The following SENP6 variants were observed in gnomAD, a reference collection of about 807,000 sequenced individuals.
SENP6 encodes the protein sentrin-specific protease 6.
Under a neutral mutation model 134.5 loss-of-function variants are expected in SENP6, and 41 were observed. The ratio of observed to expected loss-of-function variants is 0.30; its 90% CI spans 0.24 to 0.40. The LOEUF is 0.40. Ranked by LOEUF, SENP6 falls within the 10% of genes least tolerant of loss-of-function variation. The probability of loss-of-function intolerance (pLI) is 1.00; values close to 1 mark genes in which losing one functional copy is unlikely to be tolerated. For missense variants in SENP6, 1,248 were observed against 1,312.5 expected (o/e 0.95, Z 0.76); for synonymous variants, 395 against 429.8 (o/e 0.92, Z 1.00).
chr6:75,662,417 G>C (rs1015420691), intron 8 of SENP6, among the ~76,000 whole-genome samples: 3 of 152,028 alleles, frequency 2.0e-5, no homozygotes, highest in African/African-American at 7.2e-5. Flanking sequence ...TTACAGACCT[G>C]AGCCACCATG....
At position 75,675,563 on chromosome 6, in the gene SENP6, T is replaced by A. The variant is rs1032698512; in HGVS notation, c.1426+95T>A. 3.4e-5 allele frequency: 27 copies of A among 785,856 alleles called. No homozygotes were observed. In the African/African-American group the frequency reaches 4.5e-4, roughly 13 times the overall value. 48.7% of individuals were successfully genotyped at this position (785,856 alleles called of 1,614,324 possible). On this transcript the variant is annotated intron_variant, in intron 12 of 23. Coordinates refer to ENST00000447266, the MANE Select transcript of SENP6 (RefSeq NM_015571.4). ...ATTAAATAATATTCATAGAATTTAT[T>A]AAGATGGTTAGTTGTTACATATATC... is the stretch of plus-strand genomic sequence containing the variant.
intron 21 of SENP6, among the ~76,000 whole-genome samples, 194 bp from the exon 22 acceptor site, chr6:75,713,319 A>G (rs1775859816): frequency 6.6e-6 from 1 of 152,142 alleles, no homozygotes; most frequent in South Asian, 2.1e-4. Flanking sequence ...ATATCCATAG[A>G]TATTTAAGTA....
intron 8 of SENP6, among the ~76,000 whole-genome samples, chr6:75,659,620 C>T (rs1771621131): frequency 6.6e-6 from 1 of 152,016 alleles, no homozygotes; most frequent in Admixed American, 6.6e-5. Context: ...TCAGTGCTTC[C>T]CTGCAACATA....
At chr6:75,666,139 GATAT>G (rs1384921261) in intron 9 of SENP6, among the ~76,000 whole-genome samples, 6 of 119,332 alleles carry the variant, frequency 5.0e-5, no homozygotes, top group African/African-American at 1.8e-4. Flanking sequence ...ACGTATATAT[GATAT>G]ATATAAAACA....
chr6:75,604,200 AT>A (rs1766848775), intron 1 of SENP6, among the ~76,000 whole-genome samples: 1 of 152,262 alleles, frequency 6.6e-6, no homozygotes, highest in African/African-American at 2.4e-5. Flanking sequence ...TGTAGAGTTA[AT>A]GTGAGTTTCA....
Position 75,709,516 on chromosome 6 carries a change from T to TA in SENP6, c.2717-10dup, listed in dbSNP as rs1312395188. On this transcript the variant is annotated splice_polypyrimidine_tract_variant and intron_variant, in intron 19 of 23. Coordinates refer to ENST00000447266, the MANE Select transcript of SENP6 (RefSeq NM_015571.4). ...GCCTTTTTTATTATGTAATGTTTCT[T>TA]ATTGATACAGATGGCTTAAGCAAAA... 1.3e-6 allele frequency: 2 copies of TA among 1,594,422 alleles called. No homozygotes were observed. Among genetic ancestry groups the TA allele is most frequent in the Non-Finnish European group, 1.7e-6 (2 of 1,162,350 alleles).
At chr6:75,660,650 C>T (rs1023987839) in intron 8 of SENP6, among the ~76,000 whole-genome samples, 8 of 151,076 alleles carry the variant, frequency 5.3e-5, no homozygotes, top group South Asian at 2.1e-4. Flanking sequence ...TTTTTTTCCC[C>T]GAGATGGAGT....
chr6:75,705,938 T>TATTTTTTTTTTTTTTTTA (rs1775376617), intron 19 of SENP6, among the ~76,000 whole-genome samples: 1 of 131,222 alleles, frequency 7.6e-6, no homozygotes, highest in Non-Finnish European at 1.7e-5. Context: ...TTTTTTTTTT[T>TATTTTTTTTTTTTTTTTA]TTTTTTTTTT....
chr6:75,652,698 A>AAAAAAG (rs1562008509), intron 7 of SENP6, among the ~76,000 whole-genome samples: 30 of 148,686 alleles, frequency 2.0e-4, no homozygotes, highest in African/African-American at 5.8e-4. Context: ...AAAAAAAAAA[A>AAAAAAG]AAAAAGAAAA....
At chr6:75,688,290 G>A (rs916788195) in intron 16 of SENP6, among the ~76,000 whole-genome samples, 3 of 152,158 alleles carry the variant, frequency 2.0e-5, no homozygotes, top group Non-Finnish European at 4.4e-5. Flanking sequence ...ATTTTTCCAG[G>A]TAGTCTGTGA....
rs1250477055 is a variant in SENP6 at position 75,717,251 on chromosome 6, A to G, written c.*1657A>G. The G allele has an allele frequency of 6.6e-6, 1 of 152,106 alleles. No individual in the cohort carries two copies. Among genetic ancestry groups the G allele is most frequent in the Non-Finnish European group, 1.5e-5 (1 of 67,924 alleles). The allele number at this position is 152,106 out of a possible 1,614,324, so 9.4% of individuals were successfully genotyped here. ...TTGTTTTTTTTAAAACCTAATAGCA[A>G]TAAGCAAAATTGGCATACATAATTT... On this transcript the variant is annotated 3_prime_UTR_variant, in exon 24 of 24. Coordinates refer to ENST00000447266, the MANE Select transcript of SENP6 (RefSeq NM_015571.4).
intron 6 of SENP6, among the ~76,000 whole-genome samples, chr6:75,645,643 A>T (rs1355453698): frequency 1.3e-5 from 2 of 152,108 alleles, no homozygotes; most frequent in Non-Finnish European, 2.9e-5. Context: ...AATTAATGTA[A>T]ATTTTCATTT....
chr6:75,656,383 T>C (rs867456806), intron 7 of SENP6, among the ~76,000 whole-genome samples: 1 of 152,146 alleles, frequency 6.6e-6, no homozygotes, highest in African/African-American at 2.4e-5. Flanking sequence ...TAAGTACTTC[T>C]CTGGAGTAAT....
chr6:75,611,493 T>A (rs1441867156), intron 1 of SENP6: 1 of 152,236 alleles, frequency 6.6e-6, no homozygotes, highest in Non-Finnish European at 1.5e-5. Flanking sequence ...TCTTCCTGAA[T>A]TACGTGTTTG....
chr6:75,681,519 C>G (rs114310739), intron 16 of SENP6, among the ~76,000 whole-genome samples: 188 of 151,266 alleles, frequency 1.2e-3, no homozygotes, highest in African/African-American at 4.2e-3. Context: ...AGTGCAGTGG[C>G]GCGATCTTGG....
Position 75,640,684 on chromosome 6 carries a change from C to T in SENP6, c.459C>T (p.Ser153=). 4 of 1,523,724 alleles carry T rather than the reference C, an allele frequency of 2.6e-6. No individual in the cohort carries two copies. Among genetic ancestry groups the T allele is most frequent in the Non-Finnish European group, 2.7e-6 (3 of 1,129,030 alleles). 94.4% of individuals were successfully genotyped at this position (1,523,724 alleles called of 1,614,324 possible). The change falls in exon 6 of 24, where the codon AGC becomes AGT. Residue 153 remains serine (S), a splice_region_variant and synonymous_variant. Transcript: ENST00000447266. ...QIPVVKTAAQ[S]SLDRKERKEY... is the part of the protein sequence containing the mutation. ...TTTTTTTTCTTTTTCATGTTTTAAG[C>T]AGTCTGGACCGAAAAGAAAGGTAAG...
intron 1 of SENP6, among the ~76,000 whole-genome samples, 176 bp downstream of exon 1, chr6:75,602,752 T>A (rs923597538): frequency 6.6e-6 from 1 of 152,080 alleles, no homozygotes; most frequent in Non-Finnish European, 1.5e-5. Context: ...CGAGTCCGCC[T>A]AGGCGAGGGG....
chr6:75,664,393 C>T (rs1041518796), intron 9 of SENP6, among the ~76,000 whole-genome samples: 3 of 151,890 alleles, frequency 2.0e-5, no homozygotes, highest in African/African-American at 4.8e-5. Context: ...TACACACATA[C>T]GTCTGTATGT....
At chr6:75,606,959 C>T (rs1341301560) in intron 1 of SENP6, among the ~76,000 whole-genome samples, 1 of 152,030 alleles carries the variant, frequency 6.6e-6, no homozygotes, top group Non-Finnish European at 1.5e-5. Flanking sequence ...AATAGGGGAG[C>T]ATGGCATGTT....
Sources: gnomAD v4.1 joint callset for allele counts (sites outside exome capture counted in the v4.1 genomes callset) on GRCh38, gnomAD v4.1.1 for gene constraint, MANE v1.5 for transcripts, NCBI Gene and HGNC (gene_info 2026-07-23, HGNC 2026-07-21) for gene names.